Variants in HTRA3 observed in about 807,000 individuals in gnomAD.
HTRA3 encodes the protein serine protease HTRA3.
HTRA3 carries 41 observed loss-of-function variants against 43.2 expected under a neutral mutation model. The observed-to-expected ratio is 0.95, with a 90% CI of 0.74 to 1.23. The LOEUF (loss-of-function observed/expected upper bound fraction) is 1.23, where lower values mean the gene tolerates loss of function less well. HTRA3 is among the 50% of genes most tolerant of loss of function. HTRA3 has a pLI of 0.00. For missense variants in HTRA3, 628 were observed against 647.1 expected, an observed-to-expected ratio of 0.97 and a Z score of 0.32; for synonymous variants, 295 against 287.9, an observed-to-expected ratio of 1.02 and a Z score of -0.25.
In HTRA3 at chr4:8,270,023, G is replaced by A. The variant is rs1712181872; in HGVS notation, c.55G>A (p.Glu19Lys). Reference protein sequence around the residue: ...AALAALALAREPPAAPCPARC... With the variant: ...AALAALALARKPPAAPCPARC... ...GTTGGCCGCGCTGGCGCTGGCCCGG[G>A]AGCCCCCTGCGGCGCCGTGTCCCGC... Residue 19 changes from glutamate to lysine, a missense_variant, in exon 1 of 9, where the codon GAG (glutamate) becomes AAG (lysine). Coordinates refer to ENST00000307358, the MANE Select transcript of HTRA3 (RefSeq NM_053044.5). 2.3e-6 allele frequency: 3 copies of A among 1,330,890 alleles called. No individual in the cohort carries two copies. Among genetic ancestry groups the A allele is most frequent in the South Asian group, 2.0e-5 (1 of 50,882 alleles). The allele number at this position is 1,330,890 out of a possible 1,614,324, so 82.4% of individuals were successfully genotyped here. A position where few individuals can be genotyped will look rare whatever the true frequency, so the allele number is the denominator to read the frequency against.
chr4:8,301,800 T>G (rs968346406), intron 6 of HTRA3, among the ~76,000 whole-genome samples: 2 of 152,262 alleles, frequency 1.3e-5, no homozygotes, highest in Admixed American at 6.5e-5. Flanking sequence ...TAGAATGTAT[T>G]ATTAATTTCC....
intron 6 of HTRA3, among the ~76,000 whole-genome samples, chr4:8,294,610 AT>A (rs1713374365): frequency 0.016 from 1 of 62 alleles, no homozygotes; most frequent in Admixed American, 0.083. Context: ...CCATCCATCC[AT>A]CCATCCATCC....
chr4:8,292,328 A>G lies in HTRA3; in HGVS notation c.911A>G (p.Asn304Ser). 2 of 1,612,904 alleles carry G rather than the reference A, an allele frequency of 1.2e-6. No individual in the cohort carries two copies. Among genetic ancestry groups the G allele is most frequent in the Non-Finnish European group, 1.7e-6 (2 of 1,179,562 alleles). ...TGTTTCCTCCCCTTGCAGTACGGGA[A>G]CTCCGGGGGACCACTGGTGAACCTG... ...IQTDAIINYG[N>S]SGGPLVNLDG... The change falls in exon 5 of 9, where the codon AAC becomes AGC. Residue 304 changes from asparagine to serine, a missense_variant. By Grantham distance (46) the Asn-to-Ser change is conservative. Transcript: ENST00000307358.
chr4:8,270,010 G>A lies in HTRA3; in HGVS notation c.42G>A (p.Leu14=), dbSNP rs2153002964. The A allele has an allele frequency of 2.3e-6, 3 of 1,285,266 alleles. No individual in the cohort carries two copies. The highest frequency in any genetic ancestry group is 2.0e-6 in the Non-Finnish European group (2 of 1,022,246). 79.6% of individuals were successfully genotyped at this position (1,285,266 alleles called of 1,614,324 possible). A position where few individuals can be genotyped will look rare whatever the true frequency, so the allele number is the denominator to read the frequency against. Reference sequence around the variant, plus strand: ...TGCTCCTGGCCGCGTTGGCCGCGCTGGCGCTGGCCCGGGAGCCCCCTGCGG... The same window carrying A: ...TGCTCCTGGCCGCGTTGGCCGCGCTAGCGCTGGCCCGGGAGCCCCCTGCGG... The part of the protein sequence containing the change: ...RALLLAALAA[L]ALAREPPAAP... Residue 14 remains leucine (L), a synonymous_variant, in exon 1 of 9, where the codon CTG becomes CTA. Transcript: ENST00000307358.
chr4:8,296,887 G>C lies in HTRA3; in HGVS notation c.1051+2686G>C, dbSNP rs1713475950. ...AAGACATGTGCTTTCCCTGGTCTCA[G>C]ACATCACAGAGTTCCCAGATCTCTG... On this transcript the variant is annotated intron_variant, in intron 6 of 8. Coordinates refer to ENST00000307358, the MANE Select transcript of HTRA3 (RefSeq NM_053044.5). The surrounding 1 kb of genome is among the most constrained non-coding windows in gnomAD (Gnocchi z 5.3). Among the ~76,000 whole-genome samples, 1 of 152,166 alleles carries C rather than the reference G, an allele frequency of 6.6e-6. No individual in the cohort carries two copies. The highest frequency in any genetic ancestry group is 6.5e-5 in the Admixed American group (1 of 15,286).
chr4:8,280,791 C>G (rs1203819704), intron 1 of HTRA3, among the ~76,000 whole-genome samples: 1 of 152,240 alleles, frequency 6.6e-6, no homozygotes, highest in Admixed American at 6.5e-5. Flanking sequence ...TTGATTCAGG[C>G]TGACTGAAGT....
intron 7 of HTRA3, 51 bp from the exon 8 acceptor site, chr4:8,304,133 A>G (rs1349915130): frequency 6.7e-7 from 1 of 1,500,628 alleles, no homozygotes; most frequent in East Asian, 2.3e-5. Context: ...TTCATACCAA[A>G]GAGCTGGGCA....
intron 5 of HTRA3, among the ~76,000 whole-genome samples, chr4:8,293,477 C>A (rs1225416942): frequency 6.6e-6 from 1 of 152,118 alleles, no homozygotes; most frequent in Admixed American, 6.5e-5. Flanking sequence ...GCTGGCCAGG[C>A]CCTGACAGGG....
intron 8 of HTRA3, 103 bp downstream of exon 8, chr4:8,304,382 T>C (rs1391520219): frequency 7.0e-5 from 61 of 869,262 alleles, no homozygotes; most frequent in Non-Finnish European, 1.0e-4. Flanking sequence ...CCCAGCAAAG[T>C]GACCGGGAAG....
At chr4:8,300,160 T>C (rs1713585917) in intron 6 of HTRA3, among the ~76,000 whole-genome samples, 2 of 152,220 alleles carry the variant, frequency 1.3e-5, no homozygotes, top group African/African-American at 4.8e-5. Flanking sequence ...TTTAAATGTA[T>C]TTATGGATTT....
At chr4:8,302,554 C>T (rs1335411725) in intron 7 of HTRA3, 43 bp downstream of exon 7, 3 of 1,591,924 alleles carry the variant, frequency 1.9e-6, no homozygotes, top group East Asian at 4.5e-5. Context: ...CCCTTCCTCT[C>T]ATCCCTCACC....
At chr4:8,280,533 G>T (rs369690264) in intron 1 of HTRA3, among the ~76,000 whole-genome samples, 2 of 152,300 alleles carry the variant, frequency 1.3e-5, no homozygotes, top group South Asian at 4.1e-4. Flanking sequence ...CACTCGGGCC[G>T]CACGGCAGCT....
At position 8,297,582 on chromosome 4, in the gene HTRA3, G is replaced by T. The variant is rs1578805767; in HGVS notation, c.1051+3381G>T. Among the ~76,000 whole-genome samples, 1 of 152,118 alleles carries T rather than the reference G, an allele frequency of 6.6e-6. No homozygotes were observed. Among genetic ancestry groups the T allele is most frequent in the African/African-American group, 2.4e-5 (1 of 41,426 alleles). On this transcript the variant is annotated intron_variant, in intron 6 of 8. Coordinates refer to ENST00000307358, the MANE Select transcript of HTRA3 (RefSeq NM_053044.5). The surrounding 1 kb of genome is among the most constrained non-coding windows in gnomAD (Gnocchi z 5.8). ...CTCGAGGGTGAGGGCTGCATGACGG[G>T]GCAGGAGACCTCTCTGAGGAGGTGA...
rs1247579220 is a variant in HTRA3 at position 8,297,210 on chromosome 4, C to T, written c.1051+3009C>T. ...GGCAGGAGCAGGGCCAGGAGCAGGA[C>T]GGGCAGGGAGGCTGGTGGCCCCATA... On this transcript the variant is annotated intron_variant, in intron 6 of 8. Transcript: ENST00000307358. The surrounding 1 kb of genome is among the most constrained non-coding windows in gnomAD (Gnocchi z 5.8). Among the ~76,000 whole-genome samples the T allele has an allele frequency of 3.9e-5, 6 of 151,956 alleles. No individual in the cohort carries two copies. The highest frequency in any genetic ancestry group is 1.9e-4 in the East Asian group (1 of 5,136).
At position 8,291,506 on chromosome 4, in the gene HTRA3, G is replaced by A. The variant is rs768537097; in HGVS notation, c.845G>A (p.Arg282Lys). 4 of 1,612,520 alleles carry A rather than the reference G, an allele frequency of 2.5e-6. No individual in the cohort carries two copies. The African/African-American group carries it at 5.3e-5, about 22-fold the overall frequency. ...GIVSTAQREG[R>K]ELGLRDSDMD... ...GTCAGCACTGCCCAGCGGGAGGGCA[G>A]GGAGCTGGGCCTCCGGGACTCCGAC... Residue 282 changes from arginine to lysine, a missense_variant, in exon 4 of 9, where the codon AGG (arginine) becomes AAG (lysine). Coordinates refer to ENST00000307358, the MANE Select transcript of HTRA3 (RefSeq NM_053044.5).
intron 5 of HTRA3, 78 bp downstream of exon 5, chr4:8,292,431 A>C: frequency 8.5e-7 from 1 of 1,173,814 alleles, no homozygotes; most frequent in Non-Finnish European, 1.3e-6. Context: ...TTGAGGTGGG[A>C]CAGGGCCCAC....
intron 2 of HTRA3, among the ~76,000 whole-genome samples, chr4:8,283,366 G>T (rs1023243498): frequency 6.6e-6 from 1 of 152,160 alleles, no homozygotes; most frequent in East Asian, 1.9e-4. Flanking sequence ...CACAGGGCCT[G>T]CCCCGGTCCC....
chr4:8,272,890 A>T (rs1712349824), intron 1 of HTRA3, among the ~76,000 whole-genome samples: 1 of 152,156 alleles, frequency 6.6e-6, no homozygotes, highest in Non-Finnish European at 1.5e-5. Flanking sequence ...CGCCGTTCAC[A>T]CTGTGGGCGG....
In HTRA3 at chr4:8,306,459, C is replaced by T. The variant is rs1217895644; in HGVS notation, c.*323C>T. 10 of 257,806 alleles carry T rather than the reference C, an allele frequency of 3.9e-5. No individual in the cohort carries two copies. The East Asian group carries it at 8.2e-4, about 21-fold the overall frequency. 16.0% of individuals were successfully genotyped at this position (257,806 alleles called of 1,614,324 possible). ...CCTCTCCTAGCTTCCCGCCTCTGCC[C>T]CTGTGAACACCCATCTGCAGTATCC... On this transcript the variant is annotated 3_prime_UTR_variant, in exon 9 of 9. Transcript: ENST00000307358. This position sits in a 1 kb window ranked among gnomAD's most constrained non-coding sequence, Gnocchi z 8.9.
Sources: gnomAD v4.1 joint callset for allele counts (sites outside exome capture counted in the v4.1 genomes callset) on GRCh38, gnomAD v4.1.1 for gene constraint, Gnocchi (gnomAD v3.1) non-coding constraint, MANE v1.5 for transcripts, NCBI Gene and HGNC (gene_info 2026-07-23, HGNC 2026-07-21) for gene names.